Variants in KCNH1 observed in about 807,000 individuals in gnomAD.
KCNH1 encodes voltage-gated delayed rectifier potassium channel KCNH1.
KCNH1 carries 27 observed loss-of-function variants against 69.2 expected under a neutral mutation model. The ratio of observed to expected loss-of-function variants is 0.39; its 90% confidence interval spans 0.29 to 0.54. The LOEUF is 0.54. Ranked by LOEUF, KCNH1 falls within the 20% of genes least tolerant of loss-of-function variation. KCNH1 has a pLI of 0.68. For missense variants in KCNH1, 798 were observed against 1,261.6 expected (o/e 0.63, Z 5.57); for synonymous variants, 456 against 487.7 (o/e 0.93, Z 0.86).
intron 7 of KCNH1, among the ~76,000 whole-genome samples, chr1:210,829,448 G>A (rs1281274980): frequency 6.6e-6 from 1 of 152,002 alleles, no homozygotes; most frequent in Non-Finnish European, 1.5e-5. Context: ...TATCAACAGA[G>A]CAGCCAGTGA....
chr1:210,880,017 TA>T (rs1686461970), intron 7 of KCNH1, among the ~76,000 whole-genome samples: 1 of 152,136 alleles, frequency 6.6e-6, no homozygotes, highest in African/African-American at 2.4e-5. Context: ...ATGAAATACT[TA>T]GTTATAACTC....
intron 7 of KCNH1, among the ~76,000 whole-genome samples, chr1:210,840,923 T>C (rs918851807): frequency 6.6e-6 from 1 of 152,164 alleles, no homozygotes; most frequent in African/African-American, 2.4e-5. Flanking sequence ...GTCAAACTTG[T>C]GGATTTGAAT....
intron 9 of KCNH1, among the ~76,000 whole-genome samples, chr1:210,793,392 G>A (rs1460079758): frequency 6.6e-6 from 1 of 152,166 alleles, no homozygotes; most frequent in Non-Finnish European, 1.5e-5. Flanking sequence ...CATAGCAAGA[G>A]AAGTATCAAA....
At chr1:211,038,193 C>T (rs148732491) in intron 5 of KCNH1, among the ~76,000 whole-genome samples, 6,780 of 152,084 alleles carry the variant, frequency 0.045, 240 homozygotes, top group South Asian at 0.12. Flanking sequence ...GATCTCCTGA[C>T]CTCGTGATCT....
intron 7 of KCNH1, among the ~76,000 whole-genome samples, chr1:210,843,145 A>C (rs915920140): frequency 3.3e-5 from 5 of 152,250 alleles, no homozygotes; most frequent in Admixed American, 6.5e-5. Flanking sequence ...AAGCTCTCTT[A>C]GCGGAAGCAA....
chr1:210,757,381 C>T (rs930272083), intron 10 of KCNH1, among the ~76,000 whole-genome samples: 2 of 152,202 alleles, frequency 1.3e-5, no homozygotes, highest in Non-Finnish European at 2.9e-5. Context: ...ATTCCTACCC[C>T]TCTATCAAGA....
chr1:211,077,068 T>A (rs1398478259), intron 5 of KCNH1, among the ~76,000 whole-genome samples: 2 of 150,578 alleles, frequency 1.3e-5, no homozygotes, highest in African/African-American at 4.9e-5. Flanking sequence ...GAAAAAAGAG[T>A]AAAAACAAAT....
At chr1:211,117,876 C>A (rs1691610450) in intron 1 of KCNH1, among the ~76,000 whole-genome samples, 1 of 152,182 alleles carries the variant, frequency 6.6e-6, no homozygotes, top group African/African-American at 2.4e-5. Context: ...TGATGCCCCA[C>A]AACCTGCAAG....
intron 10 of KCNH1, among the ~76,000 whole-genome samples, chr1:210,730,490 A>C (rs1333990754): frequency 2.0e-5 from 3 of 152,200 alleles, no homozygotes; most frequent in African/African-American, 7.2e-5. Context: ...ACAGTTGGAT[A>C]ATAATCCAGT....
intron 10 of KCNH1, among the ~76,000 whole-genome samples, chr1:210,760,157 G>T (rs1683487810): frequency 6.6e-6 from 1 of 152,152 alleles, no homozygotes. Flanking sequence ...CAAAAAGGTT[G>T]AGGACTGCTG....
chr1:210,828,196 T>C (rs527940194), intron 7 of KCNH1, among the ~76,000 whole-genome samples: 2 of 152,170 alleles, frequency 1.3e-5, no homozygotes, highest in African/African-American at 4.8e-5. Context: ...CAATGGGTTA[T>C]TGGAAGATTA....
At chr1:210,928,415 C>T (rs931861455) in intron 6 of KCNH1, among the ~76,000 whole-genome samples, 14 of 152,048 alleles carry the variant, frequency 9.2e-5, no homozygotes, top group Non-Finnish European at 1.9e-4. Flanking sequence ...CAAAAGGAAC[C>T]CTCAAAACAA....
At chr1:210,997,213 C>T (rs575476423) in intron 6 of KCNH1, among the ~76,000 whole-genome samples, 5 of 152,244 alleles carry the variant, frequency 3.3e-5, no homozygotes, top group African/African-American at 9.6e-5. Flanking sequence ...CAAACTACTC[C>T]GAGCTACAGG....
chr1:210,769,765 A>G (rs1044573621), intron 10 of KCNH1, among the ~76,000 whole-genome samples: 2 of 152,150 alleles, frequency 1.3e-5, no homozygotes, highest in Non-Finnish European at 2.9e-5. Flanking sequence ...GGACCTGGGG[A>G]GTGAAACCTT....
At chr1:211,018,635 C>G in intron 6 of KCNH1, 148 bp downstream of exon 6, 1 of 686,504 alleles carries the variant, frequency 1.5e-6, no homozygotes, top group Non-Finnish European at 2.4e-6. Flanking sequence ...ATGGGAACAG[C>G]AGGCAAGGGT....
chr1:210,974,842 G>A (rs1467474305), intron 6 of KCNH1, among the ~76,000 whole-genome samples: 2 of 151,984 alleles, frequency 1.3e-5, no homozygotes, highest in Non-Finnish European at 2.9e-5. Flanking sequence ...GATTACAGGT[G>A]TGAGCCACCA....
intron 10 of KCNH1, among the ~76,000 whole-genome samples, chr1:210,765,742 C>A (rs1683616240): frequency 6.6e-6 from 1 of 152,162 alleles, no homozygotes; most frequent in Non-Finnish European, 1.5e-5. Context: ...TCTGCCGATA[C>A]CATCTTTTAG....
At chr1:210,831,870 T>C (rs940127786) in intron 7 of KCNH1, among the ~76,000 whole-genome samples, 1 of 152,164 alleles carries the variant, frequency 6.6e-6, no homozygotes, top group Non-Finnish European at 1.5e-5. Flanking sequence ...TCTGTGATGA[T>C]TGAGATGTAC....
rs571188856 is a variant in KCNH1 at position 210,997,375 on chromosome 1, C to G, written c.1032+21408G>C. On this transcript the variant is annotated intron_variant, in intron 6 of 10. Coordinates refer to ENST00000271751, the MANE Select transcript of KCNH1 (RefSeq NM_172362.3). ...AACTACGTGAAGAATGCAGAAGCCT[C>G]AGGAGCCAATGCAATCAACTGGAAG... 1.8e-4 allele frequency among the ~76,000 whole-genome samples: 27 copies of G among 152,236 alleles called. 1 individual carries two copies. The highest frequency in any genetic ancestry group is 6.0e-4 in the African/African-American group (25 of 41,542).
Sources: gnomAD v4.1 joint callset for allele counts (sites outside exome capture counted in the v4.1 genomes callset) on GRCh38, gnomAD v4.1.1 for gene constraint, MANE v1.5 for transcripts, NCBI Gene and HGNC (gene_info 2026-07-23, HGNC 2026-07-21) for gene names.